The following DICER1 variants were observed in gnomAD, a reference collection of about 807,000 sequenced individuals.
DICER1 encodes the protein endoribonuclease Dicer.
In DICER1, 43 loss-of-function variants were observed where a neutral mutation model predicts 194.1. That is an observed-to-expected ratio of 0.22 (90% CI 0.17 to 0.29). The LOEUF (loss-of-function observed/expected upper bound fraction) is 0.29. DICER1 is among the 10% of genes least tolerant of loss of function. The pLI, the probability that DICER1 is intolerant of heterozygous loss-of-function variation, is 1.00. For synonymous variants in DICER1, 832 were observed against 820.5 expected, an observed-to-expected ratio of 1.01 and a Z score of -0.24; for missense variants, 1,608 against 2,317.0, an observed-to-expected ratio of 0.69 and a Z score of 6.28.
At chr14:95,130,319 C>T in intron 4 of DICER1, 127 bp from the exon 5 acceptor site, 2 of 837,434 alleles carry the variant, frequency 2.4e-6, no homozygotes, top group South Asian at 1.5e-5. Flanking sequence ...AAAATTAAAA[C>T]TAAAATACTA....
At position 95,156,294 on chromosome 14, in the gene DICER1, CCT is replaced by C. The variant is rs1187111308; in HGVS notation, c.-46+934_-46+935del. Among the ~76,000 whole-genome samples, 4 of 152,188 alleles carry C rather than the reference CCT, an allele frequency of 2.6e-5. 1 individual carries two copies. The highest frequency in any genetic ancestry group is 2.6e-4 in the Admixed American group (4 of 15,282). On this transcript the variant is annotated intron_variant, in intron 1 of 26. Coordinates refer to ENST00000343455, the MANE Select transcript of DICER1 (RefSeq NM_177438.3). ...ACAGAAGCATAGGCGTCCAAGTGATCCTCTTTCATCAGATGAATGTTTTTAAA... is the reference window on the plus strand; with the variant it reads ...ACAGAAGCATAGGCGTCCAAGTGATCCTTTCATCAGATGAATGTTTTTAAA...
intron 14 of DICER1, among the ~76,000 whole-genome samples, chr14:95,109,870 G>A (rs979095207): frequency 1.3e-5 from 2 of 152,196 alleles, no homozygotes; most frequent in Non-Finnish European, 2.9e-5. Flanking sequence ...TATTTTGAGA[G>A]AGACCACATT....
chr14:95,109,554 A>ATTGG (rs1891765468), intron 14 of DICER1, among the ~76,000 whole-genome samples: 1 of 152,174 alleles, frequency 6.6e-6, no homozygotes, highest in Non-Finnish European at 1.5e-5. Context: ...TTTTAGAAAC[A>ATTGG]CTTATCATTA....
In DICER1 at chr14:95,104,285, AT is replaced by A. The variant is rs368660431; in HGVS notation, c.3270-160del. 9.8e-5 allele frequency among the ~76,000 whole-genome samples: 15 copies of A among 152,318 alleles called. No individual in the cohort carries two copies. The South Asian group carries it at 2.9e-3, about 29-fold the overall frequency. On this transcript the variant is annotated intron_variant, in intron 20 of 26. Coordinates refer to ENST00000343455, the MANE Select transcript of DICER1 (RefSeq NM_177438.3). The stretch of plus-strand genomic sequence containing the variant: ...TCCAAATTTTTAATTTACAGTGTAA[AT>A]TATAAAGTGGGACATGGTTTTATCT...
chr14:95,100,885 G>C (rs182088177), intron 21 of DICER1, among the ~76,000 whole-genome samples: 1 of 152,192 alleles, frequency 6.6e-6, no homozygotes, highest in African/African-American at 2.4e-5. Flanking sequence ...CAGGGAAAAG[G>C]AGGGTACGTG....
rs530476551 is a variant in DICER1 at position 95,105,055 on chromosome 14, G to C, written c.3269+16C>G. 67 of 1,612,578 alleles carry C rather than the reference G, an allele frequency of 4.2e-5. No individual in the cohort carries two copies. In the South Asian group the frequency reaches 6.5e-4, roughly 16 times the overall value. On this transcript the variant is annotated intron_variant, in intron 20 of 26. Coordinates refer to ENST00000343455, the MANE Select transcript of DICER1 (RefSeq NM_177438.3). The surrounding 1 kb of genome is among the most constrained non-coding windows in gnomAD (Gnocchi z 4.9). ...CTCATGATCTGTGTTCTTTCTGGCTGACTGCACAGGCATACCTAAAATCCG... is the reference window on the plus strand; with the variant it reads ...CTCATGATCTGTGTTCTTTCTGGCTCACTGCACAGGCATACCTAAAATCCG...
intron 22 of DICER1, among the ~76,000 whole-genome samples, chr14:95,097,614 T>G (rs1221629681): frequency 6.6e-6 from 1 of 152,048 alleles, no homozygotes; most frequent in Admixed American, 6.5e-5. Context: ...ATTTCTGTTA[T>G]GCAAGTTTTT....
Position 95,096,019 on chromosome 14 carries a change from A to G in DICER1, c.4901T>C (p.Leu1634Ser), listed in dbSNP as rs149723645. 9.8e-5 allele frequency: 158 copies of G among 1,614,250 alleles called. No individual in the cohort carries two copies. Among genetic ancestry groups the G allele is most frequent in the Non-Finnish European group, 5.4e-5 (64 of 1,180,044 alleles). Reference sequence around the variant, plus strand: ...CAAACAACCATATTCCGAGTCTTTCAATACAGAAGAGCGTGAACTGGCCAC... The same window carrying G: ...CAAACAACCATATTCCGAGTCTTTCGATACAGAAGAGCGTGAACTGGCCAC... ...ASVASSRSSV[L>S]KDSEYGCLKI... Residue 1634 changes from leucine to serine, a missense_variant, in exon 23 of 27, where the codon TTG becomes TCG. Physicochemically the swap from Leu to Ser is moderately radical, Grantham distance 145. Coordinates refer to ENST00000343455, the MANE Select transcript of DICER1 (RefSeq NM_177438.3).
At position 95,108,444 on chromosome 14, in the gene DICER1, C is replaced by A; in HGVS notation, c.2316G>T (p.Val772=). The A allele has an allele frequency of 1.2e-6, 2 of 1,614,072 alleles. No homozygotes were observed. The part of the protein sequence containing the change: ...PRPDQPCYLY[V]IGMVLTTPLP... ...AAGGTGTAGTTAAAACCATTCCTAT[C>A]ACATACAGGTAACAGGGCTGATCAG... The change falls in exon 15 of 27, where the codon GTG becomes GTT. Residue 772 remains valine (V), a synonymous_variant. Transcript: ENST00000343455.
At chr14:95,110,787 C>A (rs780240174) in intron 14 of DICER1, among the ~76,000 whole-genome samples, 2 of 152,094 alleles carry the variant, frequency 1.3e-5, no homozygotes, top group Non-Finnish European at 2.9e-5. Context: ...TGCTAGGATG[C>A]CCACAGATTG....
chr14:95,093,053 G>T (rs542937223), intron 24 of DICER1, among the ~76,000 whole-genome samples: 1 of 152,132 alleles, frequency 6.6e-6, no homozygotes, highest in Non-Finnish European at 1.5e-5. Context: ...CTTAATTTTT[G>T]TCATAGAAAG....
intron 11 of DICER1, among the ~76,000 whole-genome samples, chr14:95,114,815 A>C (rs1365654057): frequency 2.0e-5 from 3 of 152,176 alleles, no homozygotes; most frequent in Admixed American, 1.3e-4. Flanking sequence ...TGTGCTGCCC[A>C]AAAATTTGTA....
At chr14:95,154,422 T>C (rs1205827898) in intron 1 of DICER1, among the ~76,000 whole-genome samples, 1 of 152,180 alleles carries the variant, frequency 6.6e-6, no homozygotes, top group Non-Finnish European at 1.5e-5. Flanking sequence ...CACAGCACCA[T>C]TATTCACAGT....
chr14:95,151,518 G>C (rs1028905607), intron 1 of DICER1, among the ~76,000 whole-genome samples: 1 of 152,030 alleles, frequency 6.6e-6, no homozygotes. Context: ...AACCTCAAGA[G>C]GCAAACACCA....
Position 95,093,927 on chromosome 14 carries a change from A to G in DICER1, c.5325T>C (p.Phe1775=). 6.2e-7 allele frequency: 1 copy of G among 1,614,218 alleles called. No homozygotes were observed. Among genetic ancestry groups the G allele is most frequent in the Non-Finnish European group, 8.5e-7 (1 of 1,180,034 alleles). ...LFHVIDDFVQ[F]QLEKNEMQGM... ...CTTGCATTTCATTCTTCTCAAGCTG[A>G]AACTGCACAAAGTCATCAATGACAT... Residue 1775 remains phenylalanine (F), a synonymous_variant, in exon 24 of 27, where the codon TTT becomes TTC. Coordinates refer to ENST00000343455, the MANE Select transcript of DICER1 (RefSeq NM_177438.3).
At position 95,116,631 on chromosome 14, in the gene DICER1, C is replaced by A. The variant is rs2140125560; in HGVS notation, c.1574G>T (p.Gly525Val). The change falls in exon 10 of 27, where the codon GGT becomes GTT. Residue 525 changes from glycine to valine, a missense_variant. Physicochemically the swap from Gly to Val is moderately radical, Grantham distance 109. Transcript: ENST00000343455. ...LLIATSIVEE[G>V]VDIPKCNLVV... ...CAAGTTGCATTTTGGTATATCAACA[C>A]CCTCTTCTACAATACTTGTTGCAAT... 1.2e-6 allele frequency: 2 copies of A among 1,613,768 alleles called. No individual in the cohort carries two copies. Among genetic ancestry groups the A allele is most frequent in the African/African-American group, 1.3e-5 (1 of 74,944 alleles).
At chr14:95,130,003 C>A in intron 5 of DICER1, 55 bp downstream of exon 5, 1 of 1,557,998 alleles carries the variant, frequency 6.4e-7, no homozygotes, top group Admixed American at 1.7e-5. Flanking sequence ...AAACAAAAAT[C>A]TGCATTTACT....
rs1418841568 is a variant in DICER1 at position 95,089,447 on chromosome 14, T to C, written c.*1051A>G. The C allele has an allele frequency of 1.7e-5, 4 of 232,584 alleles. No homozygotes were observed. Among genetic ancestry groups the C allele is most frequent in the Non-Finnish European group, 3.4e-5 (4 of 117,726 alleles). 14.4% of individuals were successfully genotyped at this position (232,584 alleles called of 1,614,324 possible). A position where few individuals can be genotyped will look rare whatever the true frequency, so the allele number is the denominator to read the frequency against. ...GCTTCTTAAATAAGTAACCAATCAA[T>C]TATAAAATCTGCAGCATATTTTAGG... On this transcript the variant is annotated 3_prime_UTR_variant, in exon 27 of 27. Transcript: ENST00000343455.
intron 20 of DICER1, among the ~76,000 whole-genome samples, chr14:95,104,698 TGTTTAAGCCAACA>T (rs1320299042): frequency 6.6e-6 from 1 of 152,212 alleles, no homozygotes; most frequent in African/African-American, 2.4e-5. Flanking sequence ...CTAATGTGAG[TGTTTAAGCCAACA>T]GTTTCTTTAG....
Sources: gnomAD v4.1 joint callset for allele counts (sites outside exome capture counted in the v4.1 genomes callset) on GRCh38, gnomAD v4.1.1 for gene constraint, Gnocchi (gnomAD v3.1) non-coding constraint, MANE v1.5 for transcripts, NCBI Gene and HGNC (gene_info 2026-07-23, HGNC 2026-07-21) for gene names.